The following SIGLEC7 variants were observed in gnomAD, a reference collection of about 807,000 sequenced individuals.
SIGLEC7 encodes the protein sialic acid-binding Ig-like lectin 7.
A neutral mutation model predicts 40.8 loss-of-function variants in SIGLEC7; 33 were observed. That is an observed-to-expected ratio of 0.81 (90% confidence interval 0.61 to 1.08). The LOEUF (loss-of-function observed/expected upper bound fraction) is 1.08, where lower values mean the gene tolerates loss of function less well. Among genes scored for constraint, SIGLEC7 ranks in the 50% least tolerant of loss-of-function variants. SIGLEC7 has a pLI of 0.00. For missense variants in SIGLEC7, 513 were observed against 576.1 expected, an observed-to-expected ratio of 0.89 and a Z score of 1.12; for synonymous variants, 242 against 237.6, an observed-to-expected ratio of 1.02 and a Z score of -0.17.
chr19:51,150,671 T>G (rs1183651813), intron 6 of SIGLEC7, among the ~76,000 whole-genome samples: 1 of 152,238 alleles, frequency 6.6e-6, no homozygotes, highest in East Asian at 1.9e-4. Context: ...AGAGTCAGTC[T>G]TCCTCCGTAT....
At chr19:51,149,896 T>G (rs1032932961) in intron 6 of SIGLEC7, among the ~76,000 whole-genome samples, 1 of 152,218 alleles carries the variant, frequency 6.6e-6, no homozygotes, top group African/African-American at 2.4e-5. Context: ...AAAATTTTAT[T>G]CTTTTTGTGG....
chr19:51,149,294 A>G lies in SIGLEC7; in HGVS notation c.1221+1977A>G, dbSNP rs537003501. Among the ~76,000 whole-genome samples the G allele has an allele frequency of 4.6e-5, 7 of 152,330 alleles. No individual in the cohort carries two copies. In the East Asian group the frequency reaches 1.2e-3, roughly 25 times the overall value. ...GAGTTTTTATAGTTTTGAGTTTTAC[A>G]TTTAAGTTTTTAACCCATCTCGAGT... On this transcript the variant is annotated intron_variant, in intron 6 of 6. Transcript: ENST00000317643.
intron 4 of SIGLEC7, 134 bp downstream of exon 4, chr19:51,146,255 C>A: frequency 8.4e-7 from 1 of 1,184,042 alleles, no homozygotes; most frequent in Non-Finnish European, 1.2e-6. Flanking sequence ...TCCCTGCAAC[C>A]CAGGGCACTG....
chr19:51,147,361 A>G (rs1263480431), intron 6 of SIGLEC7, 44 bp downstream of exon 6: 1 of 1,532,796 alleles, frequency 6.5e-7, no homozygotes, highest in South Asian at 1.1e-5. Flanking sequence ...CAGCTGGGAC[A>G]TCTCCCACAG....
chr19:51,145,175 C>T lies in SIGLEC7; in HGVS notation c.760+216C>T, dbSNP rs2092099598. Among the ~76,000 whole-genome samples the T allele has an allele frequency of 2.0e-5, 3 of 152,206 alleles. No individual in the cohort carries two copies. Among genetic ancestry groups the T allele is most frequent in the Non-Finnish European group, 1.5e-5 (1 of 68,040 alleles). Reference sequence around the variant, plus strand: ...TCTTGCACACACACCCTCCTCAGCCCTGCAGCCAGGACAGGGGGAAATACA... The same window carrying T: ...TCTTGCACACACACCCTCCTCAGCCTTGCAGCCAGGACAGGGGGAAATACA... On this transcript the variant is annotated intron_variant, in intron 3 of 6. Coordinates refer to ENST00000317643, the MANE Select transcript of SIGLEC7 (RefSeq NM_014385.4). The surrounding 1 kb of genome is among the most constrained non-coding windows in gnomAD (Gnocchi z 4.3).
chr19:51,146,650 A>C, intron 4 of SIGLEC7, 104 bp from the exon 5 acceptor site: 1 of 908,230 alleles, frequency 1.1e-6, no homozygotes, highest in Non-Finnish European at 1.7e-6. Context: ...TGTTTCTGGG[A>C]AGGGGGATTA....
rs557203828 is a variant in SIGLEC7 at position 51,151,486 on chromosome 19, T to G, written c.1222-1577T>G. Among the ~76,000 whole-genome samples, 12 of 152,274 alleles carry G rather than the reference T, an allele frequency of 7.9e-5. No homozygotes were observed. In the South Asian group the frequency reaches 2.5e-3, roughly 32 times the overall value. ...CTGGGGGTACAGATTTGGGAGTCAT[T>G]AGCCTATTGATGGCATGAAGCCAAC... On this transcript the variant is annotated intron_variant, in intron 6 of 6. Coordinates refer to ENST00000317643, the MANE Select transcript of SIGLEC7 (RefSeq NM_014385.4).
chr19:51,146,026 AC>A lies in SIGLEC7; in HGVS notation c.934del (p.Leu312TrpfsTer22). 1 of 1,614,174 alleles carries A rather than the reference AC, an allele frequency of 6.2e-7. No homozygotes were observed. Among genetic ancestry groups the A allele is most frequent in the Non-Finnish European group, 8.5e-7 (1 of 1,180,032 alleles). Reference protein sequence around the residue: ...SNPLVLELQVHLGDEGEFTCR... With the variant: ...SNPLVLELQVXLGDEGEFTCR... ...CCTCTGGTACTGGAGCTGCAAGTGC[AC>A]CTGGGGGATGAAGGGGAATTCACCT... is the stretch of plus-strand genomic sequence containing the variant. On this transcript the variant is annotated frameshift_variant, in exon 4 of 7. Transcript: ENST00000317643. LOFTEE classifies it high-confidence loss of function.
rs1406583952 is a variant in SIGLEC7, at chr19:51,146,053, G to T, written c.959G>T (p.Cys320Phe). 4 of 1,614,240 alleles carry T rather than the reference G, an allele frequency of 2.5e-6. No homozygotes were observed. The highest frequency in any genetic ancestry group is 3.4e-6 in the Non-Finnish European group (4 of 1,180,044). Residue 320 changes from cysteine (C) to phenylalanine (F), a missense_variant, in exon 4 of 7, where the codon TGT (cysteine) becomes TTT (phenylalanine). Physicochemically the swap from Cys to Phe is radical, Grantham distance 205. Coordinates refer to ENST00000317643, the MANE Select transcript of SIGLEC7 (RefSeq NM_014385.4). The part of the protein sequence containing the change: ...VHLGDEGEFT[C>F]RAQNSLGSQH... ...CTGGGGGATGAAGGGGAATTCACCT[G>T]TCGAGCTCAGAACTCTCTGGGTTCC...
At chr19:51,146,885 TG>T (rs1254900765) in intron 5 of SIGLEC7, 35 bp downstream of exon 5, 2 of 1,588,114 alleles carry the variant, frequency 1.3e-6, no homozygotes, top group Non-Finnish European at 8.6e-7. Flanking sequence ...GGGAGAGTCC[TG>T]GGGGAGGGCG....
chr19:51,152,709 C>G (rs1277786660), intron 6 of SIGLEC7, among the ~76,000 whole-genome samples: 1 of 152,210 alleles, frequency 6.6e-6, no homozygotes, highest in African/African-American at 2.4e-5. Flanking sequence ...GGGCTTCACA[C>G]ACAGAGGGCC....
chr19:51,142,757 A>G lies in SIGLEC7; in HGVS notation c.388A>G (p.Ile130Val). The change falls in exon 1 of 7, where the codon ATA becomes GTA. Residue 130 changes from isoleucine to valine, a missense_variant. Ile to Val is a conservative substitution (Grantham distance 29). Coordinates refer to ENST00000317643, the MANE Select transcript of SIGLEC7 (RefSeq NM_014385.4). This position sits in a 1 kb window ranked among gnomAD's most constrained non-coding sequence, Gnocchi z 5.0. ...CTTCTTTCGTATGGAGAAAGGAAAT[A>G]TAAAATGGAATTATAAATATGACCA... ...RYFFRMEKGN[I>V]KWNYKYDQLS... 9 of 1,611,578 alleles carry G rather than the reference A, an allele frequency of 5.6e-6. No homozygotes were observed. The highest frequency in any genetic ancestry group is 7.6e-6 in the Non-Finnish European group (9 of 1,178,518).
At chr19:51,149,092 G>A (rs1182869607) in intron 6 of SIGLEC7, among the ~76,000 whole-genome samples, 2 of 152,206 alleles carry the variant, frequency 1.3e-5, no homozygotes, top group African/African-American at 2.4e-5. Context: ...TAGTTTGCAA[G>A]TATTTTCTCC....
rs2092103785 is a variant in SIGLEC7, at chr19:51,145,827, CTTTG to C, written c.761-27_761-24del. ...CCTCCCTGTTTCAATCACTTTGTCT[CTTTG>C]AACCTCCAACTTTTTCTCTACAGCA... is the stretch of plus-strand genomic sequence containing the variant. On this transcript the variant is annotated intron_variant, in intron 3 of 6. Coordinates refer to ENST00000317643, the MANE Select transcript of SIGLEC7 (RefSeq NM_014385.4). The surrounding 1 kb of genome is among the most constrained non-coding windows in gnomAD (Gnocchi z 4.3). The C allele has an allele frequency of 1.2e-6, 2 of 1,613,248 alleles. No individual in the cohort carries two copies. The highest frequency in any genetic ancestry group is 2.7e-5 in the African/African-American group (2 of 75,014).
chr19:51,148,630 A>G (rs761934398), intron 6 of SIGLEC7, among the ~76,000 whole-genome samples: 4 of 152,218 alleles, frequency 2.6e-5, no homozygotes, highest in Non-Finnish European at 5.9e-5. Flanking sequence ...GCTATTGTGA[A>G]TAGTACTACA....
At chr19:51,150,080 T>C (rs1266343732) in intron 6 of SIGLEC7, among the ~76,000 whole-genome samples, 3 of 152,232 alleles carry the variant, frequency 2.0e-5, no homozygotes, top group African/African-American at 7.2e-5. Flanking sequence ...TATAGAATCA[T>C]GCATCTGCAA....
chr19:51,148,294 C>T (rs184709175), intron 6 of SIGLEC7, among the ~76,000 whole-genome samples: 2 of 152,312 alleles, frequency 1.3e-5, no homozygotes, highest in Admixed American at 6.5e-5. Context: ...AGGTCCTAAG[C>T]CTAGTACCCC....
chr19:51,144,916 T>G lies in SIGLEC7; in HGVS notation c.717T>G (p.Pro239=). ...NRTIQLNVSY[P]PQNLTVTVFQ... ...CTCCATGTCTTTCTGTCCCAGACCC[T>G]CCTCAGAACTTGACTGTGACTGTCT... Residue 239 remains proline (P), a synonymous_variant, in exon 3 of 7, where the codon CCT becomes CCG. Coordinates refer to ENST00000317643, the MANE Select transcript of SIGLEC7 (RefSeq NM_014385.4). 2 of 1,613,984 alleles carry G rather than the reference T, an allele frequency of 1.2e-6. No individual in the cohort carries two copies. Among genetic ancestry groups the G allele is most frequent in the Non-Finnish European group, 1.7e-6 (2 of 1,179,930 alleles).
rs2092099867 is a variant in SIGLEC7, at chr19:51,145,215, C to G, written c.760+256C>G. Among the ~76,000 whole-genome samples, 1 of 152,194 alleles carries G rather than the reference C, an allele frequency of 6.6e-6. No homozygotes were observed. Among genetic ancestry groups the G allele is most frequent in the African/African-American group, 2.4e-5 (1 of 41,448 alleles). ...GGGGAAATACATATAGCAGGAGCAG[C>G]CTTTGGGCCTCTTATCTTCCATCTC... is the stretch of plus-strand genomic sequence containing the variant. On this transcript the variant is annotated intron_variant, in intron 3 of 6. Transcript: ENST00000317643. This position sits in a 1 kb window ranked among gnomAD's most constrained non-coding sequence, Gnocchi z 4.3.
Sources: allele counts gnomAD v4.1 joint callset (sites outside exome capture counted in the v4.1 genomes callset), GRCh38; gene constraint gnomAD v4.1.1; non-coding constraint Gnocchi (gnomAD v3.1); transcripts MANE v1.5; gene names NCBI Gene and HGNC (gene_info 2026-07-23, HGNC 2026-07-21).